Variants in CACNA1D observed in about 807,000 individuals in gnomAD.
CACNA1D encodes the protein voltage-dependent L-type calcium channel subunit alpha-1D.
A neutral mutation model predicts 257.1 loss-of-function variants in CACNA1D; 55 were observed. The observed-to-expected ratio is 0.21, with a 90% confidence interval of 0.17 to 0.27. The LOEUF is 0.27. Ranked by LOEUF, CACNA1D falls within the 10% of genes least tolerant of loss-of-function variation. The pLI, the probability that CACNA1D is intolerant of heterozygous loss-of-function variation, is 1.00. For synonymous variants in CACNA1D, 980 were observed against 1,014.9 expected, an observed-to-expected ratio of 0.97 and a Z score of 0.65; for missense variants, 1,876 against 2,784.0, an observed-to-expected ratio of 0.67 and a Z score of 7.34.
intron 3 of CACNA1D, among the ~76,000 whole-genome samples, chr3:53,565,451 G>A (rs186838165): frequency 5.9e-5 from 9 of 152,206 alleles, no homozygotes; most frequent in Middle Eastern, 3.4e-3. Flanking sequence ...TCATTTGAGT[G>A]GCTTGAGCTC....
intron 3 of CACNA1D, among the ~76,000 whole-genome samples, chr3:53,519,668 A>G (rs1055906372): frequency 3.3e-5 from 5 of 152,184 alleles, no homozygotes; most frequent in African/African-American, 1.2e-4. Context: ...CACACACCCT[A>G]TACTTAACTA....
intron 1 of CACNA1D, among the ~76,000 whole-genome samples, chr3:53,496,393 A>T (rs889005066): frequency 3.9e-5 from 6 of 152,146 alleles, no homozygotes; most frequent in African/African-American, 1.4e-4. Context: ...AGTCTATCCT[A>T]GGTGTAGGGG....
At position 53,745,309 on chromosome 3, in the gene CACNA1D, C is replaced by T. The variant is rs1341284760; in HGVS notation, c.3007-315C>T. Among the ~76,000 whole-genome samples, 6 of 150,310 alleles carry T rather than the reference C, an allele frequency of 4.0e-5. No individual in the cohort carries two copies. In the East Asian group the frequency reaches 7.9e-4, roughly 20 times the overall value. On this transcript the variant is annotated intron_variant, in intron 23 of 47. Transcript: ENST00000350061. ...AGGCTAGAGTGCAGTGGTGTGATCT[C>T]GGCTCACTACAACCTCTGCCTCCTG...
In CACNA1D at chr3:53,744,845, C is replaced by G. The variant is rs1276437084; in HGVS notation, c.3006+18C>G. The G allele has an allele frequency of 6.8e-7, 1 of 1,477,072 alleles. No individual in the cohort carries two copies. The highest frequency in any genetic ancestry group is 1.4e-5 in the African/African-American group (1 of 72,142). 91.5% of individuals were successfully genotyped at this position (1,477,072 alleles called of 1,614,324 possible). A position where few individuals can be genotyped will look rare whatever the true frequency, so the allele number is the denominator to read the frequency against. Reference sequence around the variant, plus strand: ...GACTTAAGGTTTTGATTCCTCTCCTCCCGGCTGGGCTGGCTTGGGTTGGGG... The same window carrying G: ...GACTTAAGGTTTTGATTCCTCTCCTGCCGGCTGGGCTGGCTTGGGTTGGGG... On this transcript the variant is annotated intron_variant, in intron 23 of 47. Coordinates refer to ENST00000350061, the MANE Select transcript of CACNA1D (RefSeq NM_001128840.3).
intron 39 of CACNA1D, chr3:53,785,669 C>T (rs2095449043): frequency 6.6e-6 from 1 of 152,270 alleles, no homozygotes; most frequent in African/African-American, 2.4e-5. Context: ...GCACTTAAGA[C>T]AGCCTGAGCC....
At chr3:53,672,262 G>A (rs1164478010) in intron 7 of CACNA1D, among the ~76,000 whole-genome samples, 2 of 152,212 alleles carry the variant, frequency 1.3e-5, no homozygotes, top group African/African-American at 4.8e-5. Context: ...AAAGCTAAGT[G>A]TGGAGAATAA....
chr3:53,812,670 T>C lies in CACNA1D; in HGVS notation c.*1264T>C, dbSNP rs1315467033. Reference sequence around the variant, plus strand: ...GTATCCATAGTTACGGTTTTCTCTGTGGCCCACCCAGGGTGTTTTTTGCAT... The same window carrying C: ...GTATCCATAGTTACGGTTTTCTCTGCGGCCCACCCAGGGTGTTTTTTGCAT... On this transcript the variant is annotated 3_prime_UTR_variant, in exon 48 of 48. Transcript: ENST00000350061. 6.6e-6 allele frequency: 1 copy of C among 152,222 alleles called. No homozygotes were observed. The highest frequency in any genetic ancestry group is 1.5e-5 in the Non-Finnish European group (1 of 68,050). 9.4% of individuals were successfully genotyped at this position (152,222 alleles called of 1,614,324 possible).
chr3:53,646,684 G>A (rs569349865), intron 3 of CACNA1D, among the ~76,000 whole-genome samples: 1 of 152,304 alleles, frequency 6.6e-6, no homozygotes, highest in East Asian at 1.9e-4. Flanking sequence ...GGGCACATGG[G>A]TGGAAGAGCA....
chr3:53,504,055 G>T lies in CACNA1D; in HGVS notation c.483+2335G>T, dbSNP rs75479924. ...CCTCCCATGAGGGAGCTGGTTTTTTGTTTTTTTTTTTTTAAATACATTTGA... is the reference window on the plus strand; with the variant it reads ...CCTCCCATGAGGGAGCTGGTTTTTTTTTTTTTTTTTTTTAAATACATTTGA... On this transcript the variant is annotated intron_variant, in intron 3 of 47. Transcript: ENST00000350061. Among the ~76,000 whole-genome samples, 1,109 of 140,858 alleles carry T rather than the reference G, an allele frequency of 7.9e-3. 4 individuals are homozygous for T. Among genetic ancestry groups the T allele is most frequent in the African/African-American group, 0.025 (947 of 38,474 alleles). 92.4% of individuals were successfully genotyped at this position (140,858 alleles called of 152,430 possible).
chr3:53,715,580 T>C (rs780735428), intron 9 of CACNA1D, among the ~76,000 whole-genome samples: 6 of 152,110 alleles, frequency 3.9e-5, no homozygotes, highest in Non-Finnish European at 7.4e-5. Context: ...GCCTCACTGA[T>C]CATCCAGCCC....
At chr3:53,524,658 A>G (rs2091696721) in intron 3 of CACNA1D, among the ~76,000 whole-genome samples, 1 of 152,170 alleles carries the variant, frequency 6.6e-6, no homozygotes, top group Non-Finnish European at 1.5e-5. Flanking sequence ...GTTCATTTTA[A>G]TTAATTTCTT....
chr3:53,810,780 A>AAAC (rs2095595776), intron 47 of CACNA1D, among the ~76,000 whole-genome samples: 2 of 131,900 alleles, frequency 1.5e-5, no homozygotes, highest in South Asian at 2.5e-4. Context: ...AAAAAAAAAA[A>AAAC]AAAAAACAAA....
At chr3:53,593,620 CCCTCTT>C (rs2093335329) in intron 3 of CACNA1D, among the ~76,000 whole-genome samples, 1 of 151,998 alleles carries the variant, frequency 6.6e-6, no homozygotes, top group Non-Finnish European at 1.5e-5. Context: ...ATCAGGAAAT[CCCTCTT>C]GGTGTTGAAG....
At chr3:53,517,790 C>T (rs72957271) in intron 3 of CACNA1D, among the ~76,000 whole-genome samples, 1,912 of 152,196 alleles carry the variant, frequency 0.013, 17 homozygotes, top group Non-Finnish European at 0.016. Flanking sequence ...CCATGCATCA[C>T]GATTTTCAAA....
At chr3:53,777,799 C>T (rs891522879) in intron 37 of CACNA1D, among the ~76,000 whole-genome samples, 4 of 152,238 alleles carry the variant, frequency 2.6e-5, no homozygotes, top group Admixed American at 6.5e-5. Flanking sequence ...CTCAGGAACC[C>T]TCAGTGAGAC....
chr3:53,648,339 G>A (rs2094044993), intron 3 of CACNA1D, among the ~76,000 whole-genome samples: 1 of 152,204 alleles, frequency 6.6e-6, no homozygotes. Context: ...GTCAGGGTCT[G>A]ATGTGAGCAC....
intron 3 of CACNA1D, among the ~76,000 whole-genome samples, chr3:53,606,165 G>A (rs559236452): frequency 6.6e-6 from 1 of 152,346 alleles, no homozygotes; most frequent in Admixed American, 6.5e-5. Context: ...TTAGTTGGCT[G>A]ACCTGTGATT....
At chr3:53,792,873 C>G (rs2095490789) in intron 40 of CACNA1D, among the ~76,000 whole-genome samples, 1 of 152,200 alleles carries the variant, frequency 6.6e-6, no homozygotes, top group Admixed American at 6.5e-5. Context: ...ATGGGCCTAG[C>G]TCCCGACTCT....
intron 3 of CACNA1D, among the ~76,000 whole-genome samples, chr3:53,505,420 C>A (rs184127448): frequency 5.3e-5 from 8 of 152,280 alleles, no homozygotes; most frequent in Non-Finnish European, 5.9e-5. Flanking sequence ...ATATGCACAT[C>A]TTTATCCTCT....
Sources: gnomAD v4.1 joint callset for allele counts (sites outside exome capture counted in the v4.1 genomes callset) on GRCh38, gnomAD v4.1.1 for gene constraint, MANE v1.5 for transcripts, NCBI Gene and HGNC (gene_info 2026-07-23, HGNC 2026-07-21) for gene names.